SLC35D1: variants seen among roughly 807,000 people sequenced by gnomAD.
The protein encoded by SLC35D1 is solute carrier family 35 member D1, also known as nucleotide sugar transporter SLC35D1.
In SLC35D1, 31 loss-of-function variants were observed where a neutral mutation model predicts 46.7. The observed-to-expected ratio is 0.66, with a 90% confidence interval of 0.50 to 0.90. SLC35D1 has a LOEUF of 0.90. Ranked by LOEUF, SLC35D1 falls within the 40% of genes least tolerant of loss-of-function variation. The pLI, the probability that SLC35D1 is intolerant of heterozygous loss-of-function variation, is 0.00. For missense variants in SLC35D1, 397 were observed against 426.2 expected (o/e 0.93, Z 0.60); for synonymous variants, 195 against 164.6 (o/e 1.18, Z -1.41).
At chr1:67,026,841 A>G (rs1399009792) in intron 8 of SLC35D1, among the ~76,000 whole-genome samples, 1 of 152,132 alleles carries the variant, frequency 6.6e-6, no homozygotes, top group Non-Finnish European at 1.5e-5. Flanking sequence ...GGCAGAAGGC[A>G]CCTCTTCACA....
chr1:66,997,519 A>AATATATAT (rs35571347), downstream of SLC35D1, among the ~76,000 whole-genome samples: 21,999 of 73,562 alleles, frequency 0.3, 4,144 homozygotes, highest in East Asian at 0.54. Context: ...AAAAAAAAAA[A>AATATATAT]ATATATATAT....
chr1:67,042,088 C>A, intron 8 of SLC35D1, 148 bp downstream of exon 8: 1 of 773,562 alleles, frequency 1.3e-6, no homozygotes. Flanking sequence ...AAGAGGTTAG[C>A]ATGACATTAG....
At chr1:67,020,780 T>C (rs965782693) in intron 9 of SLC35D1, among the ~76,000 whole-genome samples, 1 of 152,092 alleles carries the variant, frequency 6.6e-6, no homozygotes, top group South Asian at 2.1e-4. Flanking sequence ...GACCCTAAAA[T>C]GCAGTTGTGC....
chr1:66,979,857 C>A, the SLC35D1 span, among the ~76,000 whole-genome samples: 1 of 151,986 alleles, frequency 6.6e-6, no homozygotes, highest in Non-Finnish European at 1.5e-5. Flanking sequence ...CTCCACCGCC[C>A]GGGTTGAAGT....
the SLC35D1 span, among the ~76,000 whole-genome samples, chr1:66,992,827 G>A: frequency 6.6e-6 from 1 of 152,294 alleles, no homozygotes; most frequent in Admixed American, 6.5e-5. Flanking sequence ...AAAATAGGCT[G>A]GTCACAGAGA....
At chr1:67,039,479 A>G (rs1437769258) in intron 8 of SLC35D1, among the ~76,000 whole-genome samples, 1 of 144,766 alleles carries the variant, frequency 6.9e-6, no homozygotes, top group Non-Finnish European at 1.5e-5. Context: ...ACTTTATTTA[A>G]ATAAGTGAAA....
intron 10 of SLC35D1, 33 bp downstream of exon 10, chr1:67,020,336 G>A: frequency 7.3e-7 from 1 of 1,369,308 alleles, no homozygotes; most frequent in South Asian, 1.2e-5. Context: ...AAATAATGCA[G>A]GTACCAAAAG....
In SLC35D1 at chr1:66,999,878, G is replaced by C. The variant is rs1415911934; in HGVS notation, c.*4462C>G. Reference sequence around the variant, plus strand: ...TGCTTTCAATTCAGAGAGGGGAAAAGGAACGCTGGCCTTTCCAGGAGCCAT... The same window carrying C: ...TGCTTTCAATTCAGAGAGGGGAAAACGAACGCTGGCCTTTCCAGGAGCCAT... On this transcript the variant is annotated 3_prime_UTR_variant, in exon 12 of 12. Transcript: ENST00000235345. 6.6e-6 allele frequency: 1 copy of C among 152,178 alleles called. No individual in the cohort carries two copies. The highest frequency in any genetic ancestry group is 1.5e-5 in the Non-Finnish European group (1 of 68,046). 9.4% of individuals were successfully genotyped at this position (152,178 alleles called of 1,614,324 possible).
At chr1:66,977,429 A>T in the SLC35D1 span, among the ~76,000 whole-genome samples, 3 of 151,948 alleles carry the variant, frequency 2.0e-5, no homozygotes. Flanking sequence ...TTTATAGAGG[A>T]AAAAAAACAT....
At chr1:66,990,156 C>T in the SLC35D1 span, among the ~76,000 whole-genome samples, 2 of 152,332 alleles carry the variant, frequency 1.3e-5, no homozygotes, top group African/African-American at 4.8e-5. Flanking sequence ...GAATTATAAG[C>T]TTTATGAACT....
chr1:67,053,365 G>C (rs1645332232), intron 1 of SLC35D1, among the ~76,000 whole-genome samples: 1 of 152,106 alleles, frequency 6.6e-6, no homozygotes, highest in South Asian at 2.1e-4. Flanking sequence ...GCTGGGTTGA[G>C]GATGCGTACG....
In SLC35D1 at chr1:67,001,669, C is replaced by T. The variant is rs1558146875; in HGVS notation, c.*2671G>A. On this transcript the variant is annotated 3_prime_UTR_variant, in exon 12 of 12. Coordinates refer to ENST00000235345, the MANE Select transcript of SLC35D1 (RefSeq NM_015139.3). ...TATCAAACATGGGGCAAAAACCAGA[C>T]TTTCTGGGAGGTGCCACAGTACCAG... 2.0e-5 allele frequency: 3 copies of T among 152,364 alleles called. No individual in the cohort carries two copies. The highest frequency in any genetic ancestry group is 7.2e-5 in the African/African-American group (3 of 41,460). The allele number at this position is 152,364 out of a possible 1,614,324, so 9.4% of individuals were successfully genotyped here. A position where few individuals can be genotyped will look rare whatever the true frequency, so the allele number is the denominator to read the frequency against.
At chr1:67,030,405 T>A (rs1667993935) in intron 8 of SLC35D1, among the ~76,000 whole-genome samples, 1 of 152,186 alleles carries the variant, frequency 6.6e-6, no homozygotes, top group Admixed American at 6.5e-5. Context: ...TAAGTTGTTG[T>A]AAGGGACAAT....
At chr1:67,032,582 G>A (rs1193840756) in intron 8 of SLC35D1, among the ~76,000 whole-genome samples, 3 of 152,084 alleles carry the variant, frequency 2.0e-5, no homozygotes, top group Admixed American at 6.6e-5. Flanking sequence ...TCAGGAGGCT[G>A]AGGCAAGAGA....
At chr1:67,032,636 G>A (rs763700790) in intron 8 of SLC35D1, among the ~76,000 whole-genome samples, 2 of 152,050 alleles carry the variant, frequency 1.3e-5, no homozygotes, top group South Asian at 2.1e-4. Context: ...AGCCGAGATC[G>A]CACCATTGCA....
Position 67,052,164 on chromosome 1 carries a change from T to C in SLC35D1, c.325-85A>G, listed in dbSNP as rs1645315926. The C allele has an allele frequency of 3.5e-5, 35 of 1,011,670 alleles. No homozygotes were observed. In the South Asian group the frequency reaches 4.3e-4, roughly 12 times the overall value. 62.7% of individuals were successfully genotyped at this position (1,011,670 alleles called of 1,614,324 possible). A position where few individuals can be genotyped will look rare whatever the true frequency, so the allele number is the denominator to read the frequency against. On this transcript the variant is annotated intron_variant, in intron 3 of 11. Coordinates refer to ENST00000235345, the MANE Select transcript of SLC35D1 (RefSeq NM_015139.3). Reference sequence around the variant, plus strand: ...TTTCAAACAGAAACAATTTTGTTTATATGATCAAAATTTTTTCCACTTAAA... The same window carrying C: ...TTTCAAACAGAAACAATTTTGTTTACATGATCAAAATTTTTTCCACTTAAA...
intron 11 of SLC35D1, 131 bp downstream of exon 11, chr1:67,008,954 G>T: frequency 1.9e-6 from 1 of 515,642 alleles, no homozygotes; most frequent in Non-Finnish European, 3.6e-6. Flanking sequence ...TAAATATGTA[G>T]CACATAGAAG....
the SLC35D1 span, among the ~76,000 whole-genome samples, chr1:66,977,983 G>A: frequency 6.6e-6 from 1 of 152,064 alleles, no homozygotes; most frequent in African/African-American, 2.4e-5. Context: ...TGGATCACAA[G>A]GTCAGGAGTT....
chr1:67,053,615 G>A (rs747497781), intron 1 of SLC35D1, among the ~76,000 whole-genome samples, 196 bp downstream of exon 1: 174 of 151,998 alleles, frequency 1.1e-3, no homozygotes, highest in Non-Finnish European at 1.8e-3. Flanking sequence ...CGCAGGGAGC[G>A]GACCCCTGCC....
Sources: gnomAD v4.1 joint callset for allele counts (sites outside exome capture counted in the v4.1 genomes callset) on GRCh38, gnomAD v4.1.1 for gene constraint, MANE v1.5 for transcripts, NCBI Gene and HGNC (gene_info 2026-07-23, HGNC 2026-07-21) for gene names.